Variants in LTBP1 observed in about 807,000 individuals in gnomAD.
LTBP1 encodes the protein latent transforming growth factor beta binding protein 1, also known as latent-transforming growth factor beta-binding protein 1.
LTBP1 carries 129 observed loss-of-function variants against 207.6 expected under a neutral mutation model. The observed-to-expected ratio is 0.62, with a 90% CI of 0.54 to 0.72. LTBP1 has a LOEUF of 0.72. LTBP1 is among the 30% of genes least tolerant of loss of function. LTBP1 has a pLI of 0.00. For missense variants in LTBP1, 2,281 were observed against 2,217.2 expected, an observed-to-expected ratio of 1.03 and a Z score of -0.58; for synonymous variants, 963 against 833.7, an observed-to-expected ratio of 1.16 and a Z score of -2.67.
rs2093530634 is a variant in LTBP1, at chr2:33,280,159, G to T, written c.3112+1G>T. On this transcript the variant is annotated splice_donor_variant, in intron 19 of 33. Coordinates refer to ENST00000404816, the MANE Select transcript of LTBP1 (RefSeq NM_206943.4). LOFTEE classifies it high-confidence loss of function. ...CGAGGCTGGAATGGACAGTGCCTTG[G>T]TAGGTACTATAGTGTACTTATCAAA... 6.2e-7 allele frequency: 1 copy of T among 1,613,828 alleles called. No individual in the cohort carries two copies.
chr2:33,345,101 T>G (rs1464963188), intron 25 of LTBP1, among the ~76,000 whole-genome samples: 3 of 152,254 alleles, frequency 2.0e-5, no homozygotes, highest in Admixed American at 1.3e-4. Flanking sequence ...TGATACGCAC[T>G]TCACACTGGG....
intron 3 of LTBP1, among the ~76,000 whole-genome samples, chr2:33,054,862 G>A (rs1457778454): frequency 1.3e-5 from 2 of 152,164 alleles, no homozygotes; most frequent in Non-Finnish European, 2.9e-5. Flanking sequence ...GGGGGCTTCT[G>A]ACCCAGGGAA....
At chr2:33,382,787 C>T (rs1289189699) in intron 31 of LTBP1, among the ~76,000 whole-genome samples, 1 of 152,170 alleles carries the variant, frequency 6.6e-6, no homozygotes, top group Non-Finnish European at 1.5e-5. Flanking sequence ...CTTTGGATTC[C>T]AGGTGTTTGC....
At chr2:33,159,391 C>T (rs914617690) in intron 5 of LTBP1, among the ~76,000 whole-genome samples, 4 of 152,228 alleles carry the variant, frequency 2.6e-5, no homozygotes, top group Non-Finnish European at 4.4e-5. Flanking sequence ...AAAAAGCTGT[C>T]ACCTCTTACA....
intron 22 of LTBP1, among the ~76,000 whole-genome samples, chr2:33,305,242 C>T (rs544066095): frequency 1.3e-5 from 2 of 152,138 alleles, no homozygotes; most frequent in South Asian, 2.1e-4. Flanking sequence ...AAAAATCACT[C>T]GAACCCAGGA....
chr2:33,126,167 G>A (rs1007476549), intron 4 of LTBP1, among the ~76,000 whole-genome samples: 1 of 152,004 alleles, frequency 6.6e-6, no homozygotes, highest in African/African-American at 2.4e-5. Flanking sequence ...GACAGACCAC[G>A]ACAGAAGCCA....
chr2:33,239,593 A>G (rs1458580287), intron 9 of LTBP1, among the ~76,000 whole-genome samples: 1 of 152,096 alleles, frequency 6.6e-6, no homozygotes, highest in East Asian at 1.9e-4. Flanking sequence ...TTGACGCTTT[A>G]AAATATGAGA....
intron 3 of LTBP1, among the ~76,000 whole-genome samples, chr2:33,034,527 C>T (rs181864989): frequency 1.3e-5 from 2 of 152,120 alleles, no homozygotes; most frequent in African/African-American, 4.8e-5. Flanking sequence ...TTTTGTATTC[C>T]ATATCATCTA....
At chr2:33,285,288 C>T (rs2093642869) in intron 19 of LTBP1, among the ~76,000 whole-genome samples, 1 of 151,722 alleles carries the variant, frequency 6.6e-6, no homozygotes, top group African/African-American at 2.4e-5. Context: ...GTGATCCACC[C>T]ATCTCAGTCC....
chr2:33,141,340 A>G (rs2082630822), intron 5 of LTBP1, among the ~76,000 whole-genome samples: 1 of 152,202 alleles, frequency 6.6e-6, no homozygotes, highest in African/African-American at 2.4e-5. Context: ...GCAAAATGAA[A>G]AAGTTCTGGA....
intron 2 of LTBP1, among the ~76,000 whole-genome samples, chr2:32,997,442 G>A (rs577464852): frequency 1.1e-4 from 17 of 152,306 alleles, no homozygotes; most frequent in Middle Eastern, 6.8e-3. Flanking sequence ...CTGGGAGTTT[G>A]AGGCTATAGT....
At chr2:33,035,680 C>G (rs1359790120) in intron 3 of LTBP1, among the ~76,000 whole-genome samples, 1 of 152,210 alleles carries the variant, frequency 6.6e-6, no homozygotes, top group Non-Finnish European at 1.5e-5. Context: ...GCTGTGTACT[C>G]AATTTTTTGT....
intron 32 of LTBP1, among the ~76,000 whole-genome samples, chr2:33,390,599 C>T (rs1186622316): frequency 6.6e-6 from 1 of 152,016 alleles, no homozygotes; most frequent in Admixed American, 6.6e-5. Flanking sequence ...GCGATCCTCC[C>T]ACCCCAGTCT....
At chr2:33,229,635 A>G (rs924431138) in intron 9 of LTBP1, among the ~76,000 whole-genome samples, 1 of 152,236 alleles carries the variant, frequency 6.6e-6, no homozygotes, top group Non-Finnish European at 1.5e-5. Context: ...ATCACTTGCT[A>G]TCTATTTTGT....
intron 3 of LTBP1, chr2:33,063,119 TG>T (rs2077347114): frequency 6.6e-6 from 1 of 152,208 alleles, no homozygotes; most frequent in Admixed American, 6.5e-5. Context: ...CAAATCAAGT[TG>T]TGTAAGCCCT....
At chr2:33,308,483 C>A (rs754749574) in intron 22 of LTBP1, among the ~76,000 whole-genome samples, 17 of 152,162 alleles carry the variant, frequency 1.1e-4, no homozygotes, top group Non-Finnish European at 2.5e-4. Context: ...CCGACTCCCC[C>A]ATATTCTACC....
chr2:33,316,948 G>T (rs532834119), intron 24 of LTBP1, among the ~76,000 whole-genome samples: 2 of 152,170 alleles, frequency 1.3e-5, no homozygotes, highest in South Asian at 4.2e-4. Context: ...ACTACTGATG[G>T]TTGTGCCATG....
intron 7 of LTBP1, among the ~76,000 whole-genome samples, chr2:33,205,638 C>T (rs1210277155): frequency 6.6e-6 from 1 of 152,216 alleles, no homozygotes; most frequent in Non-Finnish European, 1.5e-5. Flanking sequence ...GGACCACACT[C>T]ATTCCCTTTC....
chr2:33,380,085 A>G (rs563445487), intron 31 of LTBP1, among the ~76,000 whole-genome samples: 2 of 152,346 alleles, frequency 1.3e-5, no homozygotes, highest in African/African-American at 4.8e-5. Context: ...CAGTTTCCTC[A>G]GCAAAATAAT....
Sources: gnomAD v4.1 joint callset for allele counts (sites outside exome capture counted in the v4.1 genomes callset) on GRCh38, gnomAD v4.1.1 for gene constraint, MANE v1.5 for transcripts, NCBI Gene and HGNC (gene_info 2026-07-23, HGNC 2026-07-21) for gene names.